Variants in WDR75 observed in about 807,000 individuals in gnomAD.
The protein encoded by WDR75 is WD repeat domain 75.
Under a neutral mutation model 106.1 loss-of-function variants are expected in WDR75, and 52 were observed. That is an observed-to-expected ratio of 0.49 (90% CI 0.39 to 0.62). The LOEUF (loss-of-function observed/expected upper bound fraction) is 0.62. WDR75 is among the 20% of genes least tolerant of loss of function. The probability of loss-of-function intolerance (pLI) is 0.00; values close to 1 mark genes in which losing one functional copy is unlikely to be tolerated. For synonymous variants in WDR75, 333 were observed against 335.5 expected, an observed-to-expected ratio of 0.99 and a Z score of 0.08; for missense variants, 905 against 970.3, an observed-to-expected ratio of 0.93 and a Z score of 0.89.
rs1253113925 is a variant in WDR75 at position 189,474,828 on chromosome 2, A to G, written c.2288+20A>G. The G allele has an allele frequency of 1.3e-6, 2 of 1,580,188 alleles. No individual in the cohort carries two copies. Among genetic ancestry groups the G allele is most frequent in the Non-Finnish European group, 1.7e-6 (2 of 1,149,672 alleles). Reference sequence around the variant, plus strand: ...TAAGAGGTAAAGCAGTTCTTAAGACAGGTTTGGACACTCTCTTTTGGGAAA... The same window carrying G: ...TAAGAGGTAAAGCAGTTCTTAAGACGGGTTTGGACACTCTCTTTTGGGAAA... On this transcript the variant is annotated intron_variant, in intron 20 of 20. Coordinates refer to ENST00000314761, the MANE Select transcript of WDR75 (RefSeq NM_032168.3).
At chr2:189,442,442 CTTTTTTTTTT>C (rs1188214718) in intron 1 of WDR75, among the ~76,000 whole-genome samples, 41 of 73,952 alleles carry the variant, frequency 5.5e-4, no homozygotes, top group African/African-American at 1.7e-3. Flanking sequence ...CCACAATATT[CTTTTTTTTTT>C]TTTTTTTTTT....
chr2:189,464,622 T>TA (rs986659678), intron 11 of WDR75, among the ~76,000 whole-genome samples: 1 of 152,166 alleles, frequency 6.6e-6, no homozygotes, highest in Non-Finnish European at 1.5e-5. Context: ...GGATTTTTTT[T>TA]AAAACAACCA....
At chr2:189,455,603 T>C in intron 5 of WDR75, 159 bp downstream of exon 5, 1 of 935,894 alleles carries the variant, frequency 1.1e-6, no homozygotes, top group Non-Finnish European at 1.5e-6. Context: ...CATGTATTTA[T>C]GGTATAGATT....
At chr2:189,466,396 G>C (rs758124552) in intron 12 of WDR75, 29 bp from the exon 13 acceptor site, 44 of 1,608,784 alleles carry the variant, frequency 2.7e-5, no homozygotes, top group Non-Finnish European at 2.8e-5. Context: ...CCTCATGCAA[G>C]AATAAATTTG....
At position 189,475,270 on chromosome 2, in the gene WDR75, A is replaced by C. The variant is rs1687190879; in HGVS notation, c.2346A>C (p.Ser782=). 6.2e-7 allele frequency: 1 copy of C among 1,613,176 alleles called. No individual in the cohort carries two copies. ...AAGAAGAAAAAGAAAGTGAAGATTC[A>C]GATGAAGAAAATGATTTTACCGAAA... The part of the protein sequence containing the change: ...DMEEEKESED[S]DEENDFTEKV... Residue 782 remains serine, a synonymous_variant, in exon 21 of 21, where the codon TCA becomes TCC. Coordinates refer to ENST00000314761, the MANE Select transcript of WDR75 (RefSeq NM_032168.3).
chr2:189,470,364 CA>C, intron 17 of WDR75, 119 bp downstream of exon 17: 1 of 1,144,582 alleles, frequency 8.7e-7, no homozygotes, highest in Non-Finnish European at 1.2e-6. Flanking sequence ...GATTATTTCC[CA>C]AAAAATTGTC....
chr2:189,459,474 G>C (rs1263329628), intron 8 of WDR75, 50 bp downstream of exon 8: 1 of 1,499,560 alleles, frequency 6.7e-7, no homozygotes. Context: ...TATGATTCAA[G>C]TGTTTTAATT....
chr2:189,442,189 T>A (rs1484255693), intron 1 of WDR75, among the ~76,000 whole-genome samples: 1 of 152,160 alleles, frequency 6.6e-6, no homozygotes, highest in African/African-American at 2.4e-5. Flanking sequence ...GTTGCCATCA[T>A]CTGTAAAGGG....
chr2:189,466,881 C>T (rs914918046), intron 13 of WDR75, among the ~76,000 whole-genome samples: 3 of 152,064 alleles, frequency 2.0e-5, no homozygotes, highest in Non-Finnish European at 2.9e-5. Flanking sequence ...GTCAAGGTCT[C>T]CAGGAGAGGG....
chr2:189,444,084 C>T (rs1330141837), intron 1 of WDR75, among the ~76,000 whole-genome samples: 1 of 149,002 alleles, frequency 6.7e-6, no homozygotes, highest in Non-Finnish European at 1.5e-5. Flanking sequence ...AGAACTTGGT[C>T]AAGATTTAGA....
rs991822257 is a variant in WDR75 at position 189,453,614 on chromosome 2, C to A, written c.374-1706C>A. ...ATCTTGTGTTGTAATCTAAATTCTT[C>A]TCATAATGAGATCTATTATTAATCT... On this transcript the variant is annotated intron_variant, in intron 4 of 20. Coordinates refer to ENST00000314761, the MANE Select transcript of WDR75 (RefSeq NM_032168.3). Among the ~76,000 whole-genome samples the A allele has an allele frequency of 2.0e-5, 3 of 152,152 alleles. No homozygotes were observed. In the South Asian group the frequency reaches 6.2e-4, roughly 32 times the overall value.
At chr2:189,452,641 T>C (rs1558982731) in intron 4 of WDR75, among the ~76,000 whole-genome samples, 3 of 152,200 alleles carry the variant, frequency 2.0e-5, no homozygotes, top group Non-Finnish European at 4.4e-5. Context: ...TTTAGAACAT[T>C]GGTCCATTGA....
At chr2:189,456,227 A>T (rs1686732908) in intron 5 of WDR75, among the ~76,000 whole-genome samples, 1 of 152,210 alleles carries the variant, frequency 6.6e-6, no homozygotes, top group Non-Finnish European at 1.5e-5. Flanking sequence ...CTTTAGGTCC[A>T]CTAGAATAGC....
intron 5 of WDR75, chr2:189,455,663 A>G (rs1392381748): frequency 2.3e-6 from 1 of 435,104 alleles, no homozygotes; most frequent in East Asian, 3.9e-5. Flanking sequence ...TGCCTTTGTA[A>G]ACTCTCTTAG....
intron 20 of WDR75, 113 bp downstream of exon 20, chr2:189,474,921 T>G: frequency 1.1e-6 from 1 of 896,214 alleles, no homozygotes; most frequent in South Asian, 1.6e-5. Context: ...TTCATAAGTT[T>G]TAAAATAGAT....
chr2:189,451,821 G>A lies in WDR75; in HGVS notation c.299G>A (p.Cys100Tyr), dbSNP rs760631395. ...GILIKTFIVGCKLHALFTLAQ... is the reference protein window; with the variant it reads ...GILIKTFIVGYKLHALFTLAQ... Reference sequence around the variant, plus strand: ...ATCTTTCAGACTTTCATAGTTGGATGTAAACTTCATGCCCTCTTTACTCTT... The same window carrying A: ...ATCTTTCAGACTTTCATAGTTGGATATAAACTTCATGCCCTCTTTACTCTT... The change falls in exon 4 of 21, where the codon TGT (cysteine) becomes TAT (tyrosine). Residue 100 changes from cysteine (C) to tyrosine (Y), a missense_variant. By Grantham distance (194) the Cys-to-Tyr change is radical. Transcript: ENST00000314761. 21 of 1,613,716 alleles carry A rather than the reference G, an allele frequency of 1.3e-5. No homozygotes were observed. In the South Asian group the frequency reaches 1.6e-4, roughly 13 times the overall value.
chr2:189,475,355 T>A lies in WDR75; in HGVS notation c.2431T>A (p.Ser811Thr). The change falls in exon 21 of 21, where the codon TCT becomes ACT. Residue 811 changes from serine to threonine, a missense_variant. Coordinates refer to ENST00000314761, the MANE Select transcript of WDR75 (RefSeq NM_032168.3). Reference sequence around the variant, plus strand: ...AGACATTATACATCAGTTGTCAAAATCTGAAGAAAAAGAACTGAGAAAATT... The same window carrying A: ...AGACATTATACATCAGTTGTCAAAAACTGAAGAAAAAGAACTGAGAAAATT... ...GEDIIHQLSKSEEKELRKFRK... is the reference protein window; with the variant it reads ...GEDIIHQLSKTEEKELRKFRK... 6.2e-7 allele frequency: 1 copy of A among 1,612,540 alleles called. No homozygotes were observed. The highest frequency in any genetic ancestry group is 8.5e-7 in the Non-Finnish European group (1 of 1,179,434).
intron 5 of WDR75, chr2:189,455,725 T>G (rs113219175): frequency 4.2e-4 from 87 of 206,082 alleles, no homozygotes; most frequent in African/African-American, 1.8e-3. Context: ...AATTAATGTT[T>G]ATAATTAATA....
At chr2:189,471,050 A>G (rs1365673858) in intron 18 of WDR75, among the ~76,000 whole-genome samples, 172 bp downstream of exon 18, 1 of 152,136 alleles carries the variant, frequency 6.6e-6, no homozygotes, top group Non-Finnish European at 1.5e-5. Context: ...TTTTAAAATT[A>G]TTTTAATTTA....
Sources: allele counts gnomAD v4.1 joint callset (sites outside exome capture counted in the v4.1 genomes callset), GRCh38; gene constraint gnomAD v4.1.1; transcripts MANE v1.5; gene names NCBI Gene and HGNC (gene_info 2026-07-23, HGNC 2026-07-21).